The following MALRD1 variants were observed in gnomAD, a reference collection of about 807,000 sequenced individuals.
MALRD1 encodes the protein MAM and LDL receptor class A domain containing 1, also known as MAM and LDL-receptor class A domain-containing protein 1.
Under a neutral mutation model 242.1 loss-of-function variants are expected in MALRD1, and 247 were observed. That is an observed-to-expected ratio of 1.02 (90% CI 0.92 to 1.13). The LOEUF (loss-of-function observed/expected upper bound fraction) is 1.13. Among genes scored for constraint, MALRD1 ranks in the 50% most tolerant of loss-of-function variants. The pLI is 0.00. For synonymous variants in MALRD1, 995 were observed against 866.6 expected (o/e 1.15, Z -2.60); for missense variants, 2,989 against 2,533.1 (o/e 1.18, Z -3.86).
intron 26 of MALRD1, 77 bp from the exon 27 acceptor site, chr10:19,387,451 C>A: frequency 6.9e-7 from 1 of 1,444,990 alleles, no homozygotes; most frequent in Non-Finnish European, 9.2e-7. Context: ...AAAATGAATC[C>A]ACTCTTACTG....
chr10:19,470,427 T>A (rs996936324), intron 29 of MALRD1, among the ~76,000 whole-genome samples: 6 of 152,042 alleles, frequency 3.9e-5, no homozygotes, highest in Admixed American at 2.6e-4. Flanking sequence ...CTTTGAGATA[T>A]TAATTTCAAT....
intron 12 of MALRD1, among the ~76,000 whole-genome samples, chr10:19,164,272 A>G (rs912495682): frequency 6.6e-6 from 1 of 152,094 alleles, no homozygotes; most frequent in Non-Finnish European, 1.5e-5. Flanking sequence ...AAAATGAACA[A>G]TTTTTTTAAA....
chr10:19,080,074 C>G (rs1214974548), intron 2 of MALRD1, among the ~76,000 whole-genome samples: 2 of 151,884 alleles, frequency 1.3e-5, no homozygotes, highest in Non-Finnish European at 2.9e-5. Flanking sequence ...AAATGAAGGA[C>G]CTCTTCAAGG....
intron 38 of MALRD1, among the ~76,000 whole-genome samples, chr10:19,718,966 A>C (rs1834555808): frequency 6.6e-6 from 1 of 151,034 alleles, no homozygotes. Context: ...TTGGAGCTCG[A>C]GGCAACACAG....
chr10:19,661,227 C>A (rs1183827115), intron 36 of MALRD1, among the ~76,000 whole-genome samples: 1 of 152,130 alleles, frequency 6.6e-6, no homozygotes, highest in Non-Finnish European at 1.5e-5. Context: ...GTCAGTGTGG[C>A]GATTCCTCAG....
chr10:19,107,393 C>A (rs1300761432), intron 5 of MALRD1, among the ~76,000 whole-genome samples: 1 of 151,742 alleles, frequency 6.6e-6, no homozygotes, highest in Non-Finnish European at 1.5e-5. Flanking sequence ...CATCATTATC[C>A]ATTTTTTCAG....
intron 14 of MALRD1, among the ~76,000 whole-genome samples, chr10:19,199,144 C>T (rs1358480899): frequency 6.6e-6 from 1 of 152,004 alleles, no homozygotes; most frequent in East Asian, 1.9e-4. Flanking sequence ...CTTCATGCAA[C>T]TTTCAGCAGG....
At chr10:19,215,789 TAA>T in intron 18 of MALRD1, among the ~76,000 whole-genome samples, 1 of 55,056 alleles carries the variant, frequency 1.8e-5, no homozygotes, top group South Asian at 3.4e-4. Flanking sequence ...TTAGTATAAA[TAA>T]ATAGTATATT....
chr10:19,334,341 T>C (rs2130931976), intron 24 of MALRD1, among the ~76,000 whole-genome samples: 1 of 151,890 alleles, frequency 6.6e-6, no homozygotes, highest in South Asian at 2.1e-4. Flanking sequence ...TATTTGTGTA[T>C]GATAAAAGGT....
intron 1 of MALRD1, among the ~76,000 whole-genome samples, chr10:19,056,328 A>G (rs1323505559): frequency 6.6e-6 from 1 of 151,704 alleles, no homozygotes; most frequent in Non-Finnish European, 1.5e-5. Context: ...ATGAATATGG[A>G]ATACATTTTC....
In MALRD1 at chr10:19,238,179, A is replaced by AATATGTAATATACATAATATATATTATAT. The variant is rs1230145080; in HGVS notation, c.2992-19472_2992-19444dup. On this transcript the variant is annotated intron_variant, in intron 18 of 39. Transcript: ENST00000454679. ...ATAATACATAATATATATTATATAT[A>AATATGTAATATACATAATATATATTATAT]ATATGTAATATACATAATATATATT... 6.2e-5 allele frequency among the ~76,000 whole-genome samples: 3 copies of AATATGTAATATACATAATATATATTATAT among 48,172 alleles called. 1 individual carries two copies. The highest frequency in any genetic ancestry group is 2.4e-4 in the African/African-American group (3 of 12,374). The allele number at this position is 48,172 out of a possible 152,430, so 31.6% of individuals were successfully genotyped here.
At chr10:19,355,398 G>T (rs893623137) in intron 26 of MALRD1, among the ~76,000 whole-genome samples, 9 of 146,218 alleles carry the variant, frequency 6.2e-5, no homozygotes, top group Non-Finnish European at 3.0e-5. Flanking sequence ...TAATATAAAA[G>T]GTTAATTATA....
intron 38 of MALRD1, among the ~76,000 whole-genome samples, chr10:19,703,125 C>T (rs1465816279): frequency 6.6e-6 from 1 of 152,068 alleles, no homozygotes; most frequent in African/African-American, 2.4e-5. Flanking sequence ...ATGATTTGAT[C>T]AAAATAAAGA....
At chr10:19,550,852 G>T (rs149041150) in intron 32 of MALRD1, among the ~76,000 whole-genome samples, 1 of 152,020 alleles carries the variant, frequency 6.6e-6, no homozygotes, top group African/African-American at 2.4e-5. Context: ...TATTTTGGGC[G>T]GTATATACCC....
chr10:19,371,483 T>C (rs1395055059), intron 26 of MALRD1, among the ~76,000 whole-genome samples: 1 of 140,034 alleles, frequency 7.1e-6, no homozygotes, highest in Non-Finnish European at 1.5e-5. Context: ...TTTTGTTTTG[T>C]TTTGTTTTGT....
chr10:19,357,890 A>G (rs955610548), intron 26 of MALRD1, among the ~76,000 whole-genome samples: 4 of 152,108 alleles, frequency 2.6e-5, no homozygotes, highest in African/African-American at 9.7e-5. Flanking sequence ...GGAAGATGCA[A>G]TTGAGCAGAA....
At chr10:19,465,629 C>T (rs1353164485) in intron 29 of MALRD1, among the ~76,000 whole-genome samples, 4 of 152,108 alleles carry the variant, frequency 2.6e-5, no homozygotes, top group Admixed American at 1.3e-4. Context: ...TTCACAGGCT[C>T]CAGCAATCCT....
At chr10:19,670,343 CTG>C (rs1318556163) in intron 36 of MALRD1, among the ~76,000 whole-genome samples, 4 of 152,162 alleles carry the variant, frequency 2.6e-5, no homozygotes, top group Non-Finnish European at 5.9e-5. Flanking sequence ...CAGCCTTCAC[CTG>C]TTGTGGTGAT....
At chr10:19,204,843 A>T (rs1357023099) in intron 16 of MALRD1, 55 bp from the exon 17 acceptor site, 2 of 1,452,834 alleles carry the variant, frequency 1.4e-6, no homozygotes, top group Admixed American at 5.3e-5. Flanking sequence ...CTAAAGGTTA[A>T]ATATGTAGTC....
Sources: allele counts gnomAD v4.1 joint callset (sites outside exome capture counted in the v4.1 genomes callset), GRCh38; gene constraint gnomAD v4.1.1; transcripts MANE v1.5; gene names NCBI Gene and HGNC (gene_info 2026-07-23, HGNC 2026-07-21).